TEX2: variants seen among roughly 807,000 people sequenced by gnomAD.
The protein encoded by TEX2 is testis-expressed protein 2.
Under a neutral mutation model 106.9 loss-of-function variants are expected in TEX2, and 53 were observed. The observed-to-expected ratio is 0.50, with a 90% CI of 0.40 to 0.62. TEX2 has a LOEUF of 0.62. Ranked by LOEUF, TEX2 falls within the 20% of genes least tolerant of loss-of-function variation. The pLI is 0.00. For synonymous variants in TEX2, 523 were observed against 534.8 expected (o/e 0.98, Z 0.30); for missense variants, 1,207 against 1,379.0 (o/e 0.88, Z 1.98).
intron 1 of TEX2, among the ~76,000 whole-genome samples, chr17:64,256,787 G>A (rs1467344215): frequency 6.6e-6 from 1 of 152,056 alleles, no homozygotes; most frequent in Admixed American, 6.6e-5. Context: ...GCTGAATGAC[G>A]ATCACTGTTC....
At chr17:64,248,653 T>C (rs1567968647) in intron 1 of TEX2, among the ~76,000 whole-genome samples, 1 of 152,192 alleles carries the variant, frequency 6.6e-6, no homozygotes, top group East Asian at 1.9e-4. Flanking sequence ...GATGGTAGGC[T>C]TCCTGCTTGT....
At chr17:64,169,487 G>A (rs1195029407) in intron 7 of TEX2, among the ~76,000 whole-genome samples, 1 of 152,182 alleles carries the variant, frequency 6.6e-6, no homozygotes, top group African/African-American at 2.4e-5. Context: ...AGACATAATT[G>A]AGGGGTTACA....
chr17:64,148,980 C>A lies in TEX2; in HGVS notation c.3373G>T (p.Asp1125Tyr). The A allele has an allele frequency of 6.2e-7, 1 of 1,614,094 alleles. No homozygotes were observed. Among genetic ancestry groups the A allele is most frequent in the Non-Finnish European group, 8.5e-7 (1 of 1,179,976 alleles). Residue 1125 changes from aspartate to tyrosine, a missense_variant, in exon 12 of 12, where the codon GAT becomes TAT. Around this residue, in one of 3 missense-constraint regions of TEX2, gnomAD observed 77 missense variants for 73.2 expected, o/e 1.05. Coordinates refer to ENST00000584379, the MANE Select transcript of TEX2 (RefSeq NM_001288732.2). ...LLKDPPVEAA[D>Y]QP is the part of the protein sequence containing the mutation. The stretch of plus-strand genomic sequence containing the variant: ...TCTGACATCACCCATCATGGCTGAT[C>A]AGCAGCCTCCACAGGTGGGTCTTTC...
chr17:64,223,414 C>T (rs1245213135), intron 1 of TEX2, among the ~76,000 whole-genome samples: 1 of 141,656 alleles, frequency 7.1e-6, no homozygotes, highest in Non-Finnish European at 1.5e-5. Context: ...TAATAACTGC[C>T]CTTCCTAGCT....
intron 4 of TEX2, 95 bp downstream of exon 4, chr17:64,193,464 C>T: frequency 4.0e-6 from 2 of 505,496 alleles, no homozygotes; most frequent in Non-Finnish European, 5.6e-6. Flanking sequence ...TCAGGGTGGG[C>T]TTCCTTCCTT....
At chr17:64,165,189 G>A (rs1367219464) in intron 7 of TEX2, among the ~76,000 whole-genome samples, 1 of 152,218 alleles carries the variant, frequency 6.6e-6, no homozygotes, top group Admixed American at 6.5e-5. Flanking sequence ...GCTCTGGGAA[G>A]AACACACCAG....
Position 64,212,695 on chromosome 17 carries a change from G to T in TEX2, c.1523C>A (p.Thr508Asn). ...AAAAAACCAAATCACGCAAACTGCA[G>T]TCATGAATCCAAGGCCAATTCCCAG... ...LFLGIGLGFM[T>N]AVCVIWFFTP... Residue 508 changes from threonine (T) to asparagine (N), a missense_variant, in exon 2 of 12, where the codon ACT becomes AAT. Physicochemically the swap from Thr to Asn is moderately conservative, Grantham distance 65 (BLOSUM62 0). Coordinates refer to ENST00000584379, the MANE Select transcript of TEX2 (RefSeq NM_001288732.2). The T allele has an allele frequency of 6.2e-7, 1 of 1,614,188 alleles. No individual in the cohort carries two copies. Among genetic ancestry groups the T allele is most frequent in the Non-Finnish European group, 8.5e-7 (1 of 1,180,024 alleles).
At chr17:64,250,372 G>C (rs1431080079) in intron 1 of TEX2, among the ~76,000 whole-genome samples, 4 of 152,256 alleles carry the variant, frequency 2.6e-5, no homozygotes, top group Non-Finnish European at 2.9e-5. Flanking sequence ...GCCTGAACAA[G>C]AGTTCTGTGC....
In TEX2 at chr17:64,213,022, G is replaced by A; in HGVS notation, c.1196C>T (p.Ser399Phe). 1 of 1,614,190 alleles carries A rather than the reference G, an allele frequency of 6.2e-7. No individual in the cohort carries two copies. The change falls in exon 2 of 12, where the codon TCT (serine) becomes TTT (phenylalanine). Residue 399 changes from serine to phenylalanine, a missense_variant. Transcript: ENST00000584379. This position sits in a 1 kb window ranked among gnomAD's most constrained non-coding sequence, Gnocchi z 4.4. ...CAAAGAACATTTCTCCAGAACTAGA[G>A]AACTTGTCTTCAGGCCTAAATCCTT... Reference protein sequence around the residue: ...SLKDLGLKTSSLVLEKCSLSA... With the variant: ...SLKDLGLKTSFLVLEKCSLSA...
chr17:64,161,014 C>T, intron 7 of TEX2, 81 bp from the exon 8 acceptor site: 2 of 1,459,484 alleles, frequency 1.4e-6, no homozygotes, highest in East Asian at 4.6e-5. Flanking sequence ...TTAAAAATAT[C>T]TAAATAGGCA....
chr17:64,170,871 G>T (rs187053716), intron 7 of TEX2, among the ~76,000 whole-genome samples: 2 of 152,112 alleles, frequency 1.3e-5, no homozygotes, highest in African/African-American at 4.8e-5. Flanking sequence ...CTGACCTCAG[G>T]TGATCCGCCT....
rs1567944462 is a variant in TEX2 at position 64,212,581 on chromosome 17, A to G, written c.1637T>C (p.Ile546Thr). Residue 546 changes from isoleucine to threonine, a missense_variant, in exon 2 of 12, where the codon ATA becomes ACA. Ile to Thr is a moderately conservative substitution (Grantham distance 89, BLOSUM62 -1). Coordinates refer to ENST00000584379, the MANE Select transcript of TEX2 (RefSeq NM_001288732.2). The part of the protein sequence containing the change: ...TRSLDIKEPE[I>T]LKGWMNEIYN... ...TCCCGGGGAGAGGCTTACCTTCAGTATTTCAGGTTCTTTGATATCCAGAGA... is the reference window on the plus strand; with the variant it reads ...TCCCGGGGAGAGGCTTACCTTCAGTGTTTCAGGTTCTTTGATATCCAGAGA... 1.2e-6 allele frequency: 2 copies of G among 1,613,146 alleles called. No individual in the cohort carries two copies. The highest frequency in any genetic ancestry group is 1.7e-6 in the Non-Finnish European group (2 of 1,179,410).
intron 2 of TEX2, among the ~76,000 whole-genome samples, chr17:64,209,666 C>T (rs1180245203): frequency 9.2e-5 from 14 of 152,190 alleles, no homozygotes; most frequent in African/African-American, 3.4e-4. Context: ...AAAACACTGT[C>T]CTACAAGGCT....
intron 1 of TEX2, among the ~76,000 whole-genome samples, chr17:64,235,014 G>A (rs985330536): frequency 6.6e-6 from 1 of 152,098 alleles, no homozygotes; most frequent in Non-Finnish European, 1.5e-5. Context: ...TGGAAAAAAG[G>A]GCCATAGAGA....
chr17:64,213,467 T>C lies in TEX2; in HGVS notation c.751A>G (p.Thr251Ala). Residue 251 changes from threonine to alanine, a missense_variant, in exon 2 of 12, where the codon ACA becomes GCA. Transcript: ENST00000584379. This position sits in a 1 kb window ranked among gnomAD's most constrained non-coding sequence, Gnocchi z 4.4. ...TCTCCACCTGTGTTTCGGGGCTGTG[T>C]GAACTGCTTGAACAGGTGTAAGTTC... ...KLNLHLFKQF[T>A]QPRNTGGDSK... 5 of 1,614,196 alleles carry C rather than the reference T, an allele frequency of 3.1e-6. No homozygotes were observed. Among genetic ancestry groups the C allele is most frequent in the Non-Finnish European group, 2.5e-6 (3 of 1,180,044 alleles).
At chr17:64,186,973 G>C (rs764305081) in intron 5 of TEX2, among the ~76,000 whole-genome samples, 3 of 152,170 alleles carry the variant, frequency 2.0e-5, no homozygotes, top group African/African-American at 4.8e-5. Context: ...TAGTCTCAGC[G>C]AGCCAAGGGG....
In TEX2 at chr17:64,147,271, G is replaced by A. The variant is rs966292564; in HGVS notation, c.*1698C>T. The A allele has an allele frequency of 2.6e-5, 4 of 152,202 alleles. No individual in the cohort carries two copies. The highest frequency in any genetic ancestry group is 6.5e-5 in the Admixed American group (1 of 15,274). 9.4% of individuals were successfully genotyped at this position (152,202 alleles called of 1,614,324 possible). A position where few individuals can be genotyped will look rare whatever the true frequency, so the allele number is the denominator to read the frequency against. Reference sequence around the variant, plus strand: ...TGTGGGCTGAAGATAATGGCACATAGTTTGAAGGATGTAGTGAGGATGGCT... The same window carrying A: ...TGTGGGCTGAAGATAATGGCACATAATTTGAAGGATGTAGTGAGGATGGCT... On this transcript the variant is annotated 3_prime_UTR_variant, in exon 12 of 12. Coordinates refer to ENST00000584379, the MANE Select transcript of TEX2 (RefSeq NM_001288732.2).
chr17:64,194,744 A>G, intron 3 of TEX2, 151 bp downstream of exon 3: 1 of 684,798 alleles, frequency 1.5e-6, no homozygotes, highest in Admixed American at 2.9e-5. Context: ...TGATGTGCAT[A>G]AACTTTAAAG....
intron 1 of TEX2, among the ~76,000 whole-genome samples, chr17:64,242,819 C>A (rs909432737): frequency 6.6e-6 from 1 of 152,082 alleles, no homozygotes; most frequent in Admixed American, 6.5e-5. Context: ...GGTGCAGGGG[C>A]TCATACCTAT....
Sources: gnomAD v4.1 joint callset for allele counts (sites outside exome capture counted in the v4.1 genomes callset) on GRCh38, gnomAD v4.1.1 for gene constraint, gnomAD v4.1.1 regional missense constraint, Gnocchi (gnomAD v3.1) non-coding constraint, MANE v1.5 for transcripts, NCBI Gene and HGNC (gene_info 2026-07-23, HGNC 2026-07-21) for gene names.